The following SCFD1 variants were observed in gnomAD, a reference collection of about 807,000 sequenced individuals.
SCFD1 encodes sec1 family domain-containing protein 1.
In SCFD1, 37 loss-of-function variants were observed where a neutral mutation model predicts 103.2. The observed-to-expected ratio is 0.36, with a 90% CI of 0.28 to 0.47. The LOEUF (loss-of-function observed/expected upper bound fraction) is 0.47, where lower values mean the gene tolerates loss of function less well. Ranked by LOEUF, SCFD1 falls within the 20% of genes least tolerant of loss-of-function variation. The probability of loss-of-function intolerance (pLI) is 1.00; values close to 1 mark genes in which losing one functional copy is unlikely to be tolerated. For synonymous variants in SCFD1, 264 were observed against 245.0 expected (o/e 1.08, Z -0.73); for missense variants, 639 against 761.2 (o/e 0.84, Z 1.89).
intron 9 of SCFD1, among the ~76,000 whole-genome samples, chr14:30,651,835 A>G (rs1886419911): frequency 6.6e-6 from 1 of 152,154 alleles, no homozygotes; most frequent in Admixed American, 6.6e-5. Flanking sequence ...GTGATTTTCA[A>G]CTAAGGGCAG....
chr14:30,675,114 G>GT, intron 14 of SCFD1, 49 bp downstream of exon 14: 2 of 992,906 alleles, frequency 2.0e-6, no homozygotes, highest in Non-Finnish European at 3.0e-6. Context: ...TTTACATAGG[G>GT]TTTTATACTT....
In SCFD1 at chr14:30,705,858, A is replaced by G. The variant is rs764857483; in HGVS notation, c.1526A>G (p.Tyr509Cys). The stretch of plus-strand genomic sequence containing the variant: ...AAGATGGCCTCAGCTCCGGCCAGCT[A>G]TGGCAGCACTACCACTAAACCAATG... ...FTKMASAPAS[Y>C]GSTTTKPMGL... The change falls in exon 18 of 25, where the codon TAT becomes TGT. Residue 509 changes from tyrosine (Y) to cysteine (C), a missense_variant. Physicochemically the swap from Tyr to Cys is radical, Grantham distance 194. Transcript: ENST00000458591. 2 of 1,613,766 alleles carry G rather than the reference A, an allele frequency of 1.2e-6. No individual in the cohort carries two copies. Among genetic ancestry groups the G allele is most frequent in the South Asian group, 2.2e-5 (2 of 91,064 alleles).
Position 30,653,364 on chromosome 14 carries a change from G to A in SCFD1, c.756-125G>A, listed in dbSNP as rs1886584789. 14 of 644,118 alleles carry A rather than the reference G, an allele frequency of 2.2e-5. No individual in the cohort carries two copies. In the Admixed American group the frequency reaches 3.8e-4, roughly 17 times the overall value. The allele number at this position is 644,118 out of a possible 1,614,324, so 39.9% of individuals were successfully genotyped here. The stretch of plus-strand genomic sequence containing the variant: ...ACATATACTAAAAAACAAAGTATTA[G>A]GAATTGTCAATATTAGCATACTATT... On this transcript the variant is annotated intron_variant, in intron 9 of 24. Coordinates refer to ENST00000458591, the MANE Select transcript of SCFD1 (RefSeq NM_016106.4).
rs1884248779 is a variant in SCFD1, at chr14:30,632,235, G to C, written c.221+1670G>C. ...ATTGAATTGAAATGTACTCTTACTG[G>C]GAATATAGTTTTAGATTTTCGATAA... On this transcript the variant is annotated intron_variant, in intron 3 of 24. Transcript: ENST00000458591. Among the ~76,000 whole-genome samples the C allele has an allele frequency of 1.3e-5, 2 of 151,776 alleles. 1 individual carries two copies. Among genetic ancestry groups the C allele is most frequent in the South Asian group, 4.2e-4 (2 of 4,812 alleles).
intron 7 of SCFD1, among the ~76,000 whole-genome samples, chr14:30,648,337 T>G (rs1267878877): frequency 6.6e-6 from 1 of 152,226 alleles, no homozygotes; most frequent in Non-Finnish European, 1.5e-5. Context: ...GAATCTAAAA[T>G]GTGACAGTTT....
chr14:30,705,528 T>C (rs913191544), intron 17 of SCFD1, among the ~76,000 whole-genome samples: 1 of 152,102 alleles, frequency 6.6e-6, no homozygotes, highest in Non-Finnish European at 1.5e-5. Context: ...CCCAGCACTT[T>C]GGGAGGCCAA....
intron 10 of SCFD1, among the ~76,000 whole-genome samples, chr14:30,663,184 AT>A (rs1452276233): frequency 4.6e-5 from 7 of 152,148 alleles, no homozygotes; most frequent in Non-Finnish European, 8.8e-5. Context: ...TATTCCATCA[AT>A]ACTTCAGTAA....
chr14:30,638,300 G>A, intron 5 of SCFD1, 53 bp downstream of exon 5: 7 of 1,609,150 alleles, frequency 4.4e-6, no homozygotes, highest in Non-Finnish European at 5.9e-6. Flanking sequence ...ATTTAACACT[G>A]TTCTGAAACC....
At chr14:30,665,508 T>C (rs230356) in intron 10 of SCFD1, among the ~76,000 whole-genome samples, 74,985 of 151,978 alleles carry the variant, frequency 0.49, 21,497 homozygotes, top group African/African-American at 0.79. Flanking sequence ...AACCAGCAAA[T>C]ATCATAATGA....
chr14:30,726,255 C>G (rs1317586310), intron 23 of SCFD1, among the ~76,000 whole-genome samples: 1 of 152,200 alleles, frequency 6.6e-6, no homozygotes, highest in Admixed American at 6.5e-5. Flanking sequence ...TAATCATGTA[C>G]AAGCTTGACA....
At chr14:30,668,227 G>A (rs904693439) in intron 10 of SCFD1, among the ~76,000 whole-genome samples, 1 of 151,998 alleles carries the variant, frequency 6.6e-6, no homozygotes, top group Non-Finnish European at 1.5e-5. Context: ...CAGAACAGAG[G>A]CCTCAGAAAT....
chr14:30,729,278 T>C (rs1047270507), intron 23 of SCFD1, among the ~76,000 whole-genome samples: 2 of 152,104 alleles, frequency 1.3e-5, no homozygotes, highest in African/African-American at 2.4e-5. Context: ...TTTTTTCTTT[T>C]GTTGCCTGGG....
At chr14:30,690,665 C>T (rs1465966758) in intron 14 of SCFD1, among the ~76,000 whole-genome samples, 9 of 147,058 alleles carry the variant, frequency 6.1e-5, no homozygotes, top group South Asian at 4.3e-4. Flanking sequence ...CGCCCTGCTT[C>T]GGCTCGCGCA....
At chr14:30,645,282 T>C (rs186200183) in intron 7 of SCFD1, among the ~76,000 whole-genome samples, 15 of 152,310 alleles carry the variant, frequency 9.8e-5, no homozygotes, top group Admixed American at 9.2e-4. Context: ...GCTCCCAGCT[T>C]TGTTATTTTT....
At chr14:30,724,258 T>TG (rs1892875494) in intron 23 of SCFD1, among the ~76,000 whole-genome samples, 4 of 136,060 alleles carry the variant, frequency 2.9e-5, no homozygotes, top group African/African-American at 8.4e-5. Context: ...TTTTTTTTTT[T>TG]TTTTTTTTTT....
In SCFD1 at chr14:30,700,234, A is replaced by G. The variant is rs773552863; in HGVS notation, c.1386A>G (p.Ile462Met). ...DKMRLFLIYY[I>M]STQQAPSEAD... Reference sequence around the variant, plus strand: ...TGAGGTTGTTTCTTATCTATTATATAAGCACACAGCAAGCACCTTCTGAGG... The same window carrying G: ...TGAGGTTGTTTCTTATCTATTATATGAGCACACAGCAAGCACCTTCTGAGG... The change falls in exon 16 of 25, where the codon ATA (isoleucine) becomes ATG (methionine). Residue 462 changes from isoleucine to methionine, a missense_variant. Coordinates refer to ENST00000458591, the MANE Select transcript of SCFD1 (RefSeq NM_016106.4). The G allele has an allele frequency of 1.2e-6, 2 of 1,611,036 alleles. No homozygotes were observed. Among genetic ancestry groups the G allele is most frequent in the Non-Finnish European group, 8.5e-7 (1 of 1,177,238 alleles).
chr14:30,628,690 A>T (rs145027710), intron 2 of SCFD1, among the ~76,000 whole-genome samples: 9 of 152,352 alleles, frequency 5.9e-5, no homozygotes, highest in Non-Finnish European at 1.3e-4. Flanking sequence ...AATTTATGAG[A>T]TATAAAACTT....
At chr14:30,735,451 T>G in intron 24 of SCFD1, 135 bp from the exon 25 acceptor site, 1 of 678,682 alleles carries the variant, frequency 1.5e-6, no homozygotes, top group Non-Finnish European at 2.6e-6. Flanking sequence ...GTGGTGAACA[T>G]TAAGATTTAT....
At chr14:30,707,944 A>C in intron 18 of SCFD1, 46 bp from the exon 19 acceptor site, 1 of 1,233,980 alleles carries the variant, frequency 8.1e-7, no homozygotes. Flanking sequence ...CAGATTGGAG[A>C]GGCACTTTGT....
Sources: allele counts gnomAD v4.1 joint callset (sites outside exome capture counted in the v4.1 genomes callset), GRCh38; gene constraint gnomAD v4.1.1; transcripts MANE v1.5; gene names NCBI Gene and HGNC (gene_info 2026-07-23, HGNC 2026-07-21).